The following LARGE1 variants were observed in gnomAD, a reference collection of about 807,000 sequenced individuals.
The protein encoded by LARGE1 is LARGE xylosyl- and glucuronyltransferase 1, also known as xylosyl- and glucuronyltransferase LARGE1.
Under a neutral mutation model 87.6 loss-of-function variants are expected in LARGE1, and 43 were observed. The observed-to-expected ratio is 0.49, with a 90% CI of 0.38 to 0.63. The LOEUF is 0.63. LARGE1 is among the 30% of genes least tolerant of loss of function. LARGE1 has a pLI of 0.00. For missense variants in LARGE1, 802 were observed against 1,000.2 expected (o/e 0.80, Z 2.67); for synonymous variants, 434 against 394.6 (o/e 1.10, Z -1.18).
At chr22:33,594,631 A>T (rs570913751) in intron 5 of LARGE1, among the ~76,000 whole-genome samples, 1 of 152,024 alleles carries the variant, frequency 6.6e-6, no homozygotes, top group Non-Finnish European at 1.5e-5. Flanking sequence ...TTTTAGATGG[A>T]GTTTTGCTCT....
At chr22:33,575,513 A>G (rs1188835865) in intron 5 of LARGE1, among the ~76,000 whole-genome samples, 1 of 152,198 alleles carries the variant, frequency 6.6e-6, no homozygotes, top group African/African-American at 2.4e-5. Flanking sequence ...CTTAGTAACC[A>G]GCATCAACAG....
At chr22:33,472,251 C>T (rs1176245867) in intron 6 of LARGE1, among the ~76,000 whole-genome samples, 1 of 152,138 alleles carries the variant, frequency 6.6e-6, no homozygotes, top group African/African-American at 2.4e-5. Flanking sequence ...ACCTGCAGAC[C>T]TTCCCAAGCA....
At chr22:33,110,818 T>C in the LARGE1 span, among the ~76,000 whole-genome samples, 1 of 152,178 alleles carries the variant, frequency 6.6e-6, no homozygotes. Context: ...GCAGATTTGG[T>C]CATCAGTCAC....
intron 2 of LARGE1, among the ~76,000 whole-genome samples, chr22:33,692,965 T>C (rs1393037324): frequency 6.6e-6 from 1 of 152,174 alleles, no homozygotes; most frequent in Non-Finnish European, 1.5e-5. Flanking sequence ...ACTGCAGCAC[T>C]ATTCACAATA....
chr22:33,206,167 A>G (rs1041657021), intron 11 of LARGE1, among the ~76,000 whole-genome samples: 1 of 152,080 alleles, frequency 6.6e-6, no homozygotes, highest in Non-Finnish European at 1.5e-5. Context: ...TGCGTTAACC[A>G]AGACAGTCTT....
In LARGE1 at chr22:33,619,794, A is replaced by G. The variant is rs563813739; in HGVS notation, c.491+6450T>C. 3.9e-5 allele frequency among the ~76,000 whole-genome samples: 6 copies of G among 152,302 alleles called. No homozygotes were observed. In the South Asian group the frequency reaches 8.3e-4, roughly 21 times the overall value. On this transcript the variant is annotated intron_variant, in intron 4 of 14. Coordinates refer to ENST00000397394, the MANE Select transcript of LARGE1 (RefSeq NM_133642.5). ...AAGGCATATGAGGAATCAATGCATT[A>G]CCATCTGGAAAACACTTGGAACAGA...
At chr22:33,228,909 T>A (rs935155001) in intron 11 of LARGE1, among the ~76,000 whole-genome samples, 2 of 152,060 alleles carry the variant, frequency 1.3e-5, no homozygotes, top group African/African-American at 4.8e-5. Flanking sequence ...GGAAACAAGT[T>A]GTAACACAGA....
chr22:33,701,347 G>A (rs2082399070), intron 2 of LARGE1, among the ~76,000 whole-genome samples: 1 of 152,184 alleles, frequency 6.6e-6, no homozygotes, highest in African/African-American at 2.4e-5. Flanking sequence ...ATGAAAAGGA[G>A]GTTGCTGGAA....
At chr22:33,762,800 A>C (rs2084780092) in intron 1 of LARGE1, among the ~76,000 whole-genome samples, 1 of 152,104 alleles carries the variant, frequency 6.6e-6, no homozygotes, top group African/African-American at 2.4e-5. Context: ...GAGTTAAAAA[A>C]CCAATGGACC....
the LARGE1 span, among the ~76,000 whole-genome samples, chr22:33,136,607 A>AC: frequency 0.019 from 2,868 of 152,252 alleles, 94 homozygotes; most frequent in African/African-American, 0.064. Flanking sequence ...TTGAATTGAC[A>AC]CCCTAATCAT....
intron 2 of LARGE1, among the ~76,000 whole-genome samples, chr22:33,678,700 C>T (rs975345322): frequency 1.3e-5 from 2 of 152,130 alleles, no homozygotes; most frequent in South Asian, 2.1e-4. Flanking sequence ...TTCAGAGATC[C>T]GAGGAGAGTG....
intron 1 of LARGE1, among the ~76,000 whole-genome samples, chr22:33,915,040 C>CAG (rs1431046257): frequency 0.025 from 2,275 of 91,542 alleles, 45 homozygotes; most frequent in African/African-American, 0.074. Context: ...CACACACACA[C>CAG]ACAGAGAGAG....
intron 9 of LARGE1, among the ~76,000 whole-genome samples, chr22:33,340,616 C>T (rs1446403040): frequency 1.3e-5 from 2 of 151,870 alleles, no homozygotes; most frequent in African/African-American, 2.4e-5. Context: ...CCATGGGACA[C>T]CTGTGACGGG....
At chr22:33,419,891 A>C (rs1277085092) in intron 7 of LARGE1, among the ~76,000 whole-genome samples, 1 of 151,984 alleles carries the variant, frequency 6.6e-6, no homozygotes, top group Non-Finnish European at 1.5e-5. Flanking sequence ...GTGGGGTTTC[A>C]CCATGTTGGC....
intron 2 of LARGE1, among the ~76,000 whole-genome samples, chr22:33,720,380 C>T (rs73170544): frequency 0.035 from 5,330 of 152,126 alleles, 116 homozygotes; most frequent in African/African-American, 0.054. Context: ...TCTCACTGGC[C>T]GGCAGTCCCT....
the LARGE1 span, among the ~76,000 whole-genome samples, chr22:33,080,574 G>A: frequency 3.3e-5 from 5 of 152,316 alleles, no homozygotes; most frequent in Admixed American, 2.6e-4. Context: ...CTAACTTCAC[G>A]TGGGCATGGA....
chr22:33,683,633 GCAGACAGA>G lies in LARGE1; in HGVS notation c.107-32973_107-32966del, dbSNP rs562952782. Among the ~76,000 whole-genome samples, 9 of 151,942 alleles carry G rather than the reference GCAGACAGA, an allele frequency of 5.9e-5. 1 individual carries two copies. The highest frequency in any genetic ancestry group is 1.3e-4 in the Admixed American group (2 of 15,228). On this transcript the variant is annotated intron_variant, in intron 2 of 14. Coordinates refer to ENST00000397394, the MANE Select transcript of LARGE1 (RefSeq NM_133642.5). ...AGGAACAGAATGGTTAGGCAGGCAG[GCAGACAGA>G]CAGACAGACAGACAGACGATAGACA... is the stretch of plus-strand genomic sequence containing the variant.
At chr22:33,435,240 G>A (rs1240450717) in intron 6 of LARGE1, among the ~76,000 whole-genome samples, 2 of 152,086 alleles carry the variant, frequency 1.3e-5, no homozygotes, top group South Asian at 2.1e-4. Context: ...AACCTCAGGC[G>A]ATCCTCCCAC....
At chr22:33,157,084 C>T in the LARGE1 span, among the ~76,000 whole-genome samples, 1 of 152,194 alleles carries the variant, frequency 6.6e-6, no homozygotes, top group South Asian at 2.1e-4. Flanking sequence ...ATTGCCCAGT[C>T]TCAAGTATGT....
Sources: allele counts gnomAD v4.1 joint callset (sites outside exome capture counted in the v4.1 genomes callset), GRCh38; gene constraint gnomAD v4.1.1; transcripts MANE v1.5; gene names NCBI Gene and HGNC (gene_info 2026-07-23, HGNC 2026-07-21).